CELF2: variants seen among roughly 807,000 people sequenced by gnomAD.
CELF2 encodes CUG triplet repeat RNA-binding protein 2.
A neutral mutation model predicts 62.6 loss-of-function variants in CELF2; 8 were observed. That is an observed-to-expected ratio of 0.13 (90% CI 0.07 to 0.23). The LOEUF is 0.23. Ranked by LOEUF, CELF2 falls within the 10% of genes least tolerant of loss-of-function variation. The pLI, the probability that CELF2 is intolerant of heterozygous loss-of-function variation, is 1.00. For synonymous variants in CELF2, 258 were observed against 250.0 expected (o/e 1.03, Z -0.30); for missense variants, 333 against 671.0 (o/e 0.50, Z 5.56).
intron 1 of CELF2, among the ~76,000 whole-genome samples, chr10:10,918,593 T>G (rs1022598441): frequency 6.6e-6 from 1 of 152,036 alleles, no homozygotes; most frequent in Non-Finnish European, 1.5e-5. Flanking sequence ...GCTGGGAGGG[T>G]CAGGGAATGT....
At chr10:11,125,581 A>G (rs984057745) in intron 1 of CELF2, among the ~76,000 whole-genome samples, 28 of 147,430 alleles carry the variant, frequency 1.9e-4, no homozygotes, top group African/African-American at 7.3e-4. Flanking sequence ...AAAATAAACC[A>G]ATGATGTGTT....
rs924265798 is a variant in CELF2 at position 10,990,614 on chromosome 10, C to T, written c.89+70615C>T. Among the ~76,000 whole-genome samples, 2 of 152,072 alleles carry T rather than the reference C, an allele frequency of 1.3e-5. No individual in the cohort carries two copies. The highest frequency in any genetic ancestry group is 6.6e-5 in the Admixed American group (1 of 15,258). Reference sequence around the variant, plus strand: ...GTAGTATAATAGTATAATATACGCTCAGTGGCAATTCAGTGTATTTCATAG... The same window carrying T: ...GTAGTATAATAGTATAATATACGCTTAGTGGCAATTCAGTGTATTTCATAG... On this transcript the variant is annotated intron_variant, in intron 2 of 13. Coordinates refer to the CELF2 transcript ENST00000636488. The surrounding 1 kb of genome is among the most constrained non-coding windows in gnomAD (Gnocchi z 4.6).
At chr10:11,025,334 C>T (rs2059014789) in intron 1 of CELF2, among the ~76,000 whole-genome samples, 2 of 151,890 alleles carry the variant, frequency 1.3e-5, no homozygotes, top group African/African-American at 2.4e-5. Context: ...ATTGTAGTCA[C>T]CATAGTCCCC....
the CELF2 span, among the ~76,000 whole-genome samples, chr10:10,623,504 T>G: frequency 6.6e-6 from 1 of 152,224 alleles, no homozygotes; most frequent in Admixed American, 6.5e-5. Flanking sequence ...CAGAGTGGAC[T>G]GTCACTCTAT....
the CELF2 span, among the ~76,000 whole-genome samples, chr10:10,702,644 G>C: frequency 6.6e-6 from 1 of 152,204 alleles, no homozygotes; most frequent in South Asian, 2.1e-4. Context: ...GAGTACCATG[G>C]CACAATCCTG....
chr10:10,565,034 C>A, the CELF2 span, among the ~76,000 whole-genome samples: 1 of 152,312 alleles, frequency 6.6e-6, no homozygotes, highest in Admixed American at 6.5e-5. Context: ...GATTGTACAG[C>A]CGAATGTGTC....
intron 8 of CELF2, among the ~76,000 whole-genome samples, chr10:11,287,856 C>T (rs967579877): frequency 6.6e-6 from 1 of 152,230 alleles, no homozygotes; most frequent in African/African-American, 2.4e-5. Flanking sequence ...TTAATGCTGC[C>T]ATTCACTGTC....
At chr10:11,139,470 T>A (rs1052901373) in intron 1 of CELF2, among the ~76,000 whole-genome samples, 2 of 152,218 alleles carry the variant, frequency 1.3e-5, no homozygotes, top group African/African-American at 4.8e-5. Context: ...TCTAGAAAAC[T>A]TTGCATTATT....
At chr10:10,584,521 A>G in the CELF2 span, among the ~76,000 whole-genome samples, 2 of 152,220 alleles carry the variant, frequency 1.3e-5, no homozygotes, top group Non-Finnish European at 2.9e-5. Context: ...TTGTCTGCCT[A>G]TTAAGCTGGT....
At chr10:11,041,256 G>T (rs1426716614) in intron 1 of CELF2, among the ~76,000 whole-genome samples, 1 of 152,202 alleles carries the variant, frequency 6.6e-6, no homozygotes, top group Non-Finnish European at 1.5e-5. Flanking sequence ...CATGTTGGGG[G>T]TTAGGACTTT....
At chr10:10,638,441 G>A in the CELF2 span, among the ~76,000 whole-genome samples, 2 of 152,214 alleles carry the variant, frequency 1.3e-5, no homozygotes, top group African/African-American at 4.8e-5. Context: ...TAATCAGAGT[G>A]TGGAACTGTG....
chr10:10,978,628 C>T, intron 2 of CELF2, among the ~76,000 whole-genome samples: 1 of 152,142 alleles, frequency 6.6e-6, no homozygotes, highest in East Asian at 1.9e-4. Flanking sequence ...GCAATAAAAA[C>T]AACTTGAATT....
At chr10:11,279,460 C>T (rs542348118) in intron 8 of CELF2, among the ~76,000 whole-genome samples, 6 of 152,226 alleles carry the variant, frequency 3.9e-5, no homozygotes, top group East Asian at 1.9e-4. Flanking sequence ...GAGGCGCTCC[C>T]GGAGTGGTGA....
At chr10:11,185,053 C>T (rs911364416) in intron 2 of CELF2, among the ~76,000 whole-genome samples, 31 of 152,028 alleles carry the variant, frequency 2.0e-4, no homozygotes, top group African/African-American at 7.2e-4. Context: ...TCTTGTCTTC[C>T]TGTTTTGCTG....
intron 1 of CELF2, among the ~76,000 whole-genome samples, chr10:10,814,517 C>T (rs998196405): frequency 4.6e-5 from 7 of 152,158 alleles, no homozygotes; most frequent in Admixed American, 2.0e-4. Flanking sequence ...ACAGCAGCGC[C>T]GTAGTATCCC....
chr10:11,077,904 A>G (rs998223338), intron 1 of CELF2, among the ~76,000 whole-genome samples: 2 of 152,232 alleles, frequency 1.3e-5, no homozygotes, highest in African/African-American at 4.8e-5. Context: ...ATCAGGATTT[A>G]GACATACAGT....
chr10:11,014,032 G>A, upstream of CELF2, among the ~76,000 whole-genome samples: 1 of 152,232 alleles, frequency 6.6e-6, no homozygotes, highest in East Asian at 1.9e-4. Flanking sequence ...TGGCAATGAT[G>A]GGAAATCCCC....
At chr10:11,175,394 A>G (rs898093132) in intron 2 of CELF2, among the ~76,000 whole-genome samples, 34 of 152,308 alleles carry the variant, frequency 2.2e-4, no homozygotes, top group African/African-American at 7.9e-4. Context: ...AAAAAAAGAG[A>G]GAATATGATT....
intron 9 of CELF2, among the ~76,000 whole-genome samples, chr10:11,293,002 C>A (rs1396875134): frequency 1.3e-5 from 2 of 152,312 alleles, no homozygotes; most frequent in East Asian, 3.9e-4. Context: ...ACACTGTTGG[C>A]AACTGCGGTC....
Sources: allele counts gnomAD v4.1 joint callset (sites outside exome capture counted in the v4.1 genomes callset), GRCh38; gene constraint gnomAD v4.1.1; non-coding constraint Gnocchi (gnomAD v3.1); transcripts MANE v1.5; gene names NCBI Gene and HGNC (gene_info 2026-07-23, HGNC 2026-07-21).